Variants in ADGRL3 observed in about 807,000 individuals in gnomAD.
The protein encoded by ADGRL3 is adhesion G protein-coupled receptor L3.
Under a neutral mutation model 153.5 loss-of-function variants are expected in ADGRL3, and 62 were observed. That is an observed-to-expected ratio of 0.40 (90% CI 0.33 to 0.50). ADGRL3 has a LOEUF of 0.50. Ranked by LOEUF, ADGRL3 falls within the 20% of genes least tolerant of loss-of-function variation. ADGRL3 has a pLI of 0.47. For missense variants in ADGRL3, 1,641 were observed against 1,859.4 expected, an observed-to-expected ratio of 0.88 and a Z score of 2.16; for synonymous variants, 710 against 672.5, an observed-to-expected ratio of 1.06 and a Z score of -0.86.
chr4:61,585,395 A>T (rs899533009), intron 4 of ADGRL3, among the ~76,000 whole-genome samples: 3 of 151,992 alleles, frequency 2.0e-5, no homozygotes, highest in African/African-American at 7.2e-5. Context: ...ATTTTCTCTA[A>T]ACTTCAAGAG....
intron 1 of ADGRL3, among the ~76,000 whole-genome samples, chr4:61,330,865 A>G (rs750209982): frequency 6.6e-6 from 1 of 152,078 alleles, no homozygotes; most frequent in Non-Finnish European, 1.5e-5. Flanking sequence ...TGATTGGTGC[A>G]TTTACAATCC....
rs1483766072 is a variant in ADGRL3 at position 61,405,588 on chromosome 4, A to G, written c.-174+22399A>G. Among the ~76,000 whole-genome samples, 4 of 151,942 alleles carry G rather than the reference A, an allele frequency of 2.6e-5. No homozygotes were observed. In the East Asian group the frequency reaches 7.7e-4, roughly 29 times the overall value. Reference sequence around the variant, plus strand: ...ATTTCAGTTTATTCAAACCCCCTGTAGTCCTCAGATAAAAATACAAAATGT... The same window carrying G: ...ATTTCAGTTTATTCAAACCCCCTGTGGTCCTCAGATAAAAATACAAAATGT... On this transcript the variant is annotated intron_variant, in intron 2 of 26. Coordinates refer to ENST00000683033, the MANE Select transcript of ADGRL3 (RefSeq NM_001387552.1).
At chr4:61,445,212 G>A (rs2097569253) in intron 2 of ADGRL3, among the ~76,000 whole-genome samples, 1 of 152,086 alleles carries the variant, frequency 6.6e-6, no homozygotes, top group Non-Finnish European at 1.5e-5. Context: ...TGATGGCACT[G>A]GTACTAGGAG....
chr4:61,399,061 A>G (rs909883920), intron 2 of ADGRL3, among the ~76,000 whole-genome samples: 2 of 151,754 alleles, frequency 1.3e-5, no homozygotes, highest in African/African-American at 4.8e-5. Context: ...TGAATGGACC[A>G]TTTATAGGAC....
chr4:61,824,488 CAAAATGGTTAATGTTTATGTAATCACCAG>C (rs1462199599), intron 9 of ADGRL3, among the ~76,000 whole-genome samples: 2 of 152,060 alleles, frequency 1.3e-5, no homozygotes, highest in Non-Finnish European at 2.9e-5. Context: ...TTCTCTTCCC[CAAAATGGTTAATGTTTATGTAATCACCAG>C]AAAATAGTTT....
intron 4 of ADGRL3, among the ~76,000 whole-genome samples, chr4:61,541,463 A>T (rs1182377587): frequency 7.0e-6 from 1 of 143,364 alleles, no homozygotes; most frequent in Non-Finnish European, 1.5e-5. Context: ...CTGCCATTTT[A>T]TATCTTTGAA....
chr4:61,500,089 TATTA>T (rs1465731009), intron 3 of ADGRL3, among the ~76,000 whole-genome samples: 2 of 149,266 alleles, frequency 1.3e-5, no homozygotes, highest in East Asian at 3.9e-4. Flanking sequence ...TTCTTAGAAG[TATTA>T]AATCAATCCC....
At chr4:61,283,668 G>A (rs1297091140) in intron 1 of ADGRL3, among the ~76,000 whole-genome samples, 3 of 151,796 alleles carry the variant, frequency 2.0e-5, no homozygotes, top group Admixed American at 2.0e-4. Flanking sequence ...CTTTATTCAA[G>A]TTCAAGGATA....
intron 1 of ADGRL3, among the ~76,000 whole-genome samples, chr4:61,366,560 T>C (rs1231080639): frequency 6.6e-6 from 1 of 152,246 alleles, no homozygotes; most frequent in African/African-American, 2.4e-5. Flanking sequence ...TGCTTTTAAG[T>C]AGTTGTGGAT....
intron 8 of ADGRL3, among the ~76,000 whole-genome samples, chr4:61,781,463 A>G (rs1301068107): frequency 6.6e-6 from 1 of 152,112 alleles, no homozygotes; most frequent in Admixed American, 6.6e-5. Context: ...TTCTATATGC[A>G]TCATTATAGT....
intron 25 of ADGRL3, among the ~76,000 whole-genome samples, chr4:62,052,427 GT>G (rs954936051): frequency 2.0e-5 from 3 of 151,136 alleles, no homozygotes; most frequent in Non-Finnish European, 4.4e-5. Context: ...TCTAAGCACA[GT>G]TTTTTTAGAG....
intron 5 of ADGRL3, among the ~76,000 whole-genome samples, chr4:61,624,426 A>G (rs1431875265): frequency 3.9e-5 from 6 of 152,128 alleles, no homozygotes; most frequent in African/African-American, 1.4e-4. Flanking sequence ...ATTACTAGGT[A>G]GATCATAGTA....
intron 6 of ADGRL3, among the ~76,000 whole-genome samples, chr4:61,722,449 T>G (rs933604531): frequency 6.6e-5 from 10 of 152,132 alleles, no homozygotes; most frequent in African/African-American, 2.4e-4. Context: ...TAGGAATGCT[T>G]AAGAACTATG....
chr4:61,397,236 C>T (rs915172469), intron 2 of ADGRL3, among the ~76,000 whole-genome samples: 3 of 151,586 alleles, frequency 2.0e-5, no homozygotes, highest in African/African-American at 4.8e-5. Context: ...TTGTTAAAAC[C>T]TTTTCACTTT....
chr4:61,439,764 T>C (rs543894560), intron 2 of ADGRL3, among the ~76,000 whole-genome samples: 3 of 152,300 alleles, frequency 2.0e-5, no homozygotes, highest in Admixed American at 2.0e-4. Context: ...TTCAGCCATG[T>C]CCCTTTCCTG....
Position 61,517,378 on chromosome 4 carries a change from C to T in ADGRL3, c.119C>T (p.Pro40Leu). 2 of 709,638 alleles carry T rather than the reference C, an allele frequency of 2.8e-6. No individual in the cohort carries two copies. The highest frequency in any genetic ancestry group is 4.9e-4 in the Middle Eastern group (2 of 4,118). 44.0% of individuals were successfully genotyped at this position (709,638 alleles called of 1,614,324 possible). A position where few individuals can be genotyped will look rare whatever the true frequency, so the allele number is the denominator to read the frequency against. Residue 40 changes from proline (P) to leucine (L), a missense_variant, in exon 4 of 27, where the codon CCA (proline) becomes CTA (leucine). By Grantham distance (98) the Pro-to-Leu change is moderately conservative. Around this residue, in one of 5 missense-constraint regions of ADGRL3, gnomAD observed 145 missense variants for 79.1 expected, o/e 1.83. Coordinates refer to ENST00000683033, the MANE Select transcript of ADGRL3 (RefSeq NM_001387552.1). ...AAPLRHAERS[P>L]GGALPPRHLL... ...CCATTGCGACACGCTGAGCGCAGCC[C>T]AGGAGGCGCTCTTCCACCCAGACAT...
At chr4:62,001,915 T>C (rs980058356) in intron 21 of ADGRL3, among the ~76,000 whole-genome samples, 3 of 152,152 alleles carry the variant, frequency 2.0e-5, no homozygotes, top group Non-Finnish European at 4.4e-5. Context: ...TGGAAGTCAG[T>C]GTCTTTCTAA....
intron 5 of ADGRL3, among the ~76,000 whole-genome samples, chr4:61,647,276 T>G (rs1276015122): frequency 6.6e-6 from 1 of 152,122 alleles, no homozygotes; most frequent in East Asian, 1.9e-4. Flanking sequence ...CCAGAGCTTT[T>G]CCTATTCGGC....
In ADGRL3 at chr4:61,994,518, T is replaced by A. The variant is rs534532244; in HGVS notation, c.3237-1773T>A. ...TTGGTTCAAGGTTTTTTTTTTTGCTTAAAAATCTAGCTCTTAAAATGAGTT... is the reference window on the plus strand; with the variant it reads ...TTGGTTCAAGGTTTTTTTTTTTGCTAAAAAATCTAGCTCTTAAAATGAGTT... On this transcript the variant is annotated intron_variant, in intron 19 of 26. Coordinates refer to ENST00000683033, the MANE Select transcript of ADGRL3 (RefSeq NM_001387552.1). Among the ~76,000 whole-genome samples, 17 of 152,060 alleles carry A rather than the reference T, an allele frequency of 1.1e-4. No homozygotes were observed. The East Asian group carries it at 2.9e-3, about 26-fold the overall frequency.
Sources: allele counts gnomAD v4.1 joint callset (sites outside exome capture counted in the v4.1 genomes callset), GRCh38; gene constraint gnomAD v4.1.1; regional missense constraint gnomAD v4.1.1; transcripts MANE v1.5; gene names NCBI Gene and HGNC (gene_info 2026-07-23, HGNC 2026-07-21).